The following IRAK1BP1 variants were observed in gnomAD, a reference collection of about 807,000 sequenced individuals.
IRAK1BP1 encodes interleukin 1 receptor associated kinase 1 binding protein 1, also known as interleukin-1 receptor-associated kinase 1-binding protein 1.
In IRAK1BP1, 24 loss-of-function variants were observed where a neutral mutation model predicts 28.0. The observed-to-expected ratio is 0.86, with a 90% confidence interval of 0.62 to 1.20. IRAK1BP1 has a LOEUF of 1.20. IRAK1BP1 is among the 50% of genes most tolerant of loss of function. The pLI is 0.00. For synonymous variants in IRAK1BP1, 131 were observed against 116.3 expected (o/e 1.13, Z -0.81); for missense variants, 336 against 316.7 (o/e 1.06, Z -0.46).
intron 2 of IRAK1BP1, among the ~76,000 whole-genome samples, chr6:78,886,561 T>C (rs1771439761): frequency 1.3e-5 from 2 of 152,198 alleles, no homozygotes; most frequent in Non-Finnish European, 2.9e-5. Context: ...TAGTATGTTA[T>C]AGCACTCCTC....
At position 78,900,296 on chromosome 6, in the gene IRAK1BP1, T is replaced by A. The variant is rs1008738098; in HGVS notation, c.*1962T>A. 1.3e-5 allele frequency: 2 copies of A among 152,254 alleles called. No homozygotes were observed. The highest frequency in any genetic ancestry group is 2.9e-5 in the Non-Finnish European group (2 of 68,044). The allele number at this position is 152,254 out of a possible 1,614,324, so 9.4% of individuals were successfully genotyped here. A position where few individuals can be genotyped will look rare whatever the true frequency, so the allele number is the denominator to read the frequency against. On this transcript the variant is annotated 3_prime_UTR_variant, in exon 4 of 4. Transcript: ENST00000369940. ...TATCTACAGGCAATCATAAGCCATG[T>A]CTGTTATGCAGCATAGGCTTTCCAT...
chr6:78,965,447 T>C, the IRAK1BP1 span, among the ~76,000 whole-genome samples: 2 of 152,228 alleles, frequency 1.3e-5, no homozygotes, highest in Non-Finnish European at 2.9e-5. Flanking sequence ...CTTGGGTGAA[T>C]AGTAATTAAT....
intron 2 of IRAK1BP1, among the ~76,000 whole-genome samples, chr6:78,887,489 C>A (rs1771469951): frequency 6.6e-6 from 1 of 152,010 alleles, no homozygotes; most frequent in Non-Finnish European, 1.5e-5. Flanking sequence ...TATGGTGAAA[C>A]CCCATCTCTA....
intron 1 of IRAK1BP1, among the ~76,000 whole-genome samples, chr6:78,879,562 T>C (rs910970583): frequency 1.3e-5 from 2 of 152,140 alleles, no homozygotes; most frequent in African/African-American, 4.8e-5. Flanking sequence ...ATACAAAACT[T>C]TGTTCAAAAT....
chr6:78,942,281 G>A (rs1442315544), intron 4 of IRAK1BP1, among the ~76,000 whole-genome samples: 1 of 152,104 alleles, frequency 6.6e-6, no homozygotes, highest in African/African-American at 2.4e-5. Flanking sequence ...TCAGGAGTTC[G>A]AGACCAGCCT....
At chr6:78,872,199 G>T (rs1770817757) in intron 1 of IRAK1BP1, 3 of 677,884 alleles carry the variant, frequency 4.4e-6, no homozygotes, top group Non-Finnish European at 8.0e-6. Context: ...GACCACAGCG[G>T]TAATTTGCTT....
intron 4 of IRAK1BP1, among the ~76,000 whole-genome samples, chr6:78,934,553 C>G (rs2127672038): frequency 6.6e-6 from 1 of 152,260 alleles, no homozygotes; most frequent in South Asian, 2.1e-4. Flanking sequence ...TCACACTTAA[C>G]AACAATCAGG....
chr6:78,879,701 AC>A (rs1389966396), intron 1 of IRAK1BP1, among the ~76,000 whole-genome samples: 1 of 152,178 alleles, frequency 6.6e-6, no homozygotes, highest in East Asian at 1.9e-4. Flanking sequence ...GATGGAACAA[AC>A]CTTACTTATG....
chr6:78,871,958 T>G lies in IRAK1BP1; in HGVS notation c.315+4067T>G, dbSNP rs1201040886. 13 of 503,938 alleles carry G rather than the reference T, an allele frequency of 2.6e-5. 1 individual carries two copies. The highest frequency in any genetic ancestry group is 3.8e-5 in the Non-Finnish European group (11 of 287,094). The allele number at this position is 503,938 out of a possible 1,614,324, so 31.2% of individuals were successfully genotyped here. A position where few individuals can be genotyped will look rare whatever the true frequency, so the allele number is the denominator to read the frequency against. ...TTTGCCTGAAAGTGAAAGCTTTCCC[T>G]GGCTGCCGGAATCCACTCTCTGCAA... On this transcript the variant is annotated intron_variant, in intron 1 of 3. Coordinates refer to ENST00000369940, the MANE Select transcript of IRAK1BP1 (RefSeq NM_001010844.4).
At chr6:78,960,977 A>T in the IRAK1BP1 span, among the ~76,000 whole-genome samples, 18 of 152,274 alleles carry the variant, frequency 1.2e-4, no homozygotes, top group Admixed American at 1.0e-3. Flanking sequence ...ACACAAATTA[A>T]ATTGTTGGAC....
chr6:78,973,474 G>A, the IRAK1BP1 span, among the ~76,000 whole-genome samples: 250 of 94,862 alleles, frequency 2.6e-3, 1 homozygote, highest in African/African-American at 9.5e-3. Flanking sequence ...ATCAACTAAT[G>A]AGCAAAATAA....
At chr6:78,892,881 GAAAA>G (rs1269297214) in intron 2 of IRAK1BP1, among the ~76,000 whole-genome samples, 2 of 151,896 alleles carry the variant, frequency 1.3e-5, no homozygotes. Flanking sequence ...ATGAAACACA[GAAAA>G]GAAAGATGTA....
At chr6:78,928,104 C>A (rs1772941071) in intron 4 of IRAK1BP1, among the ~76,000 whole-genome samples, 1 of 151,750 alleles carries the variant, frequency 6.6e-6, no homozygotes, top group Admixed American at 6.6e-5. Flanking sequence ...TCTGTAGATT[C>A]TTTGGGTAGT....
chr6:78,881,585 A>T lies in IRAK1BP1; in HGVS notation c.316-3793A>T, dbSNP rs566216142. Among the ~76,000 whole-genome samples, 4 of 152,306 alleles carry T rather than the reference A, an allele frequency of 2.6e-5. 1 individual carries two copies. The East Asian group carries it at 7.7e-4, about 29-fold the overall frequency. On this transcript the variant is annotated intron_variant, in intron 1 of 3. Coordinates refer to ENST00000369940, the MANE Select transcript of IRAK1BP1 (RefSeq NM_001010844.4). ...TCCCAGGATAAAATTTATTCTCTTG[A>T]CAAATGAACCCAGTTCTTACAAATG...
In IRAK1BP1 at chr6:78,878,964, C is replaced by T. The variant is rs552362858; in HGVS notation, c.316-6414C>T. 2.9e-3 allele frequency among the ~76,000 whole-genome samples: 448 copies of T among 152,226 alleles called. 1 individual carries two copies. Among genetic ancestry groups the T allele is most frequent in the Middle Eastern group, 6.8e-3 (2 of 294 alleles). Reference sequence around the variant, plus strand: ...TTACAGAAAAAAGAGTAAAAATAAACGAACAAAGCCTCCAAGAAATATGCG... The same window carrying T: ...TTACAGAAAAAAGAGTAAAAATAAATGAACAAAGCCTCCAAGAAATATGCG... On this transcript the variant is annotated intron_variant, in intron 1 of 3. Coordinates refer to ENST00000369940, the MANE Select transcript of IRAK1BP1 (RefSeq NM_001010844.4).
chr6:78,893,619 G>C (rs553218300), intron 2 of IRAK1BP1, among the ~76,000 whole-genome samples: 6 of 151,938 alleles, frequency 3.9e-5, no homozygotes, highest in African/African-American at 1.4e-4. Flanking sequence ...AAAGATAACT[G>C]ACTAGGCTGG....
In IRAK1BP1 at chr6:78,909,467, C is replaced by A. The variant is rs560140630; in HGVS notation, c.*67+6357C>A. On this transcript the variant is annotated intron_variant and NMD_transcript_variant, in intron 4 of 4. Coordinates refer to the IRAK1BP1 transcript ENST00000606868. ...TTTCATAAAGTACTTCAACGTTCCC[C>A]TGAATGAAAACATAATTAAAGAGAC... 2.6e-5 allele frequency among the ~76,000 whole-genome samples: 4 copies of A among 152,292 alleles called. No homozygotes were observed. In the South Asian group the frequency reaches 8.3e-4, roughly 32 times the overall value.
downstream of IRAK1BP1, chr6:78,947,022 A>T (rs573657838): frequency 1.4e-5 from 7 of 510,790 alleles, no homozygotes; most frequent in African/African-American, 1.0e-4. Flanking sequence ...TCTTTTGATG[A>T]AAAGGTAAAC....
At chr6:78,972,327 A>C in the IRAK1BP1 span, among the ~76,000 whole-genome samples, 2 of 152,206 alleles carry the variant, frequency 1.3e-5, no homozygotes, top group South Asian at 4.1e-4. Context: ...CCTGTCTGTT[A>C]GAAGGAAAAC....
Sources: allele counts gnomAD v4.1 joint callset (sites outside exome capture counted in the v4.1 genomes callset), GRCh38; gene constraint gnomAD v4.1.1; transcripts MANE v1.5; gene names NCBI Gene and HGNC (gene_info 2026-07-23, HGNC 2026-07-21).